The following KCNH7 variants were observed in gnomAD, a reference collection of about 807,000 sequenced individuals.
KCNH7 encodes voltage-gated inwardly rectifying potassium channel KCNH7.
In KCNH7, 49 loss-of-function variants were observed where a neutral mutation model predicts 120.8. The observed-to-expected ratio is 0.41, with a 90% CI of 0.32 to 0.51. The LOEUF (loss-of-function observed/expected upper bound fraction) is 0.51, where lower values mean the gene tolerates loss of function less well. Among genes scored for constraint, KCNH7 ranks in the 20% least tolerant of loss-of-function variants. The pLI, the probability that KCNH7 is intolerant of heterozygous loss-of-function variation, is 0.38. For synonymous variants in KCNH7, 547 were observed against 516.1 expected (o/e 1.06, Z -0.81); for missense variants, 1,097 against 1,446.6 (o/e 0.76, Z 3.92).
chr2:162,736,841 G>T (rs1687931184), intron 2 of KCNH7, among the ~76,000 whole-genome samples: 2 of 152,082 alleles, frequency 1.3e-5, no homozygotes, highest in Non-Finnish European at 2.9e-5. Context: ...TCTTTACTGT[G>T]GTTCTGCACA....
At chr2:162,820,911 A>T in intron 2 of KCNH7, among the ~76,000 whole-genome samples, 1 of 109,704 alleles carries the variant, frequency 9.1e-6, no homozygotes, top group East Asian at 2.9e-4. Flanking sequence ...AATCTGAATT[A>T]ATTCATTATT....
chr2:162,545,124 G>A (rs1459053478), intron 2 of KCNH7, among the ~76,000 whole-genome samples: 3 of 152,084 alleles, frequency 2.0e-5, no homozygotes, highest in African/African-American at 4.8e-5. Flanking sequence ...CCTTGCATTA[G>A]TGTTACCCGA....
At chr2:162,414,015 T>C (rs938551794) in intron 9 of KCNH7, among the ~76,000 whole-genome samples, 3 of 151,886 alleles carry the variant, frequency 2.0e-5, no homozygotes, top group Non-Finnish European at 2.9e-5. Flanking sequence ...TATGAATGAA[T>C]GAAAAAGGTG....
chr2:162,821,808 C>T (rs1355686617), intron 2 of KCNH7, among the ~76,000 whole-genome samples: 3 of 152,110 alleles, frequency 2.0e-5, no homozygotes, highest in Admixed American at 6.5e-5. Context: ...ACTTTCAATA[C>T]AATTTATCTT....
chr2:162,708,296 G>A (rs1459592916), intron 2 of KCNH7, among the ~76,000 whole-genome samples: 7 of 152,024 alleles, frequency 4.6e-5, no homozygotes, highest in Non-Finnish European at 1.0e-4. Context: ...TATTGTTAGG[G>A]CCCAGAGAAA....
chr2:162,828,745 G>A (rs761703083), intron 2 of KCNH7, among the ~76,000 whole-genome samples: 278 of 152,062 alleles, frequency 1.8e-3, no homozygotes, highest in Non-Finnish European at 2.9e-3. Context: ...CATTCTGCCC[G>A]GCAGAGTCTA....
At chr2:162,433,764 C>T (rs188950741) in intron 8 of KCNH7, among the ~76,000 whole-genome samples, 21 of 152,058 alleles carry the variant, frequency 1.4e-4, no homozygotes, top group Admixed American at 1.4e-3. Context: ...GGAATATAAG[C>T]ATTTATTGCT....
At chr2:162,763,500 C>G (rs1303519522) in intron 2 of KCNH7, among the ~76,000 whole-genome samples, 1 of 152,084 alleles carries the variant, frequency 6.6e-6, no homozygotes, top group Admixed American at 6.6e-5. Context: ...TGTCACCATG[C>G]TGATACTTAA....
Position 162,724,537 on chromosome 2 carries a change from T to C in KCNH7, c.307+112000A>G, listed in dbSNP as rs1310952787. On this transcript the variant is annotated intron_variant, in intron 2 of 15. Coordinates refer to ENST00000332142, the MANE Select transcript of KCNH7 (RefSeq NM_033272.4). ...AATACAAAAAATTAGCCGGGCGTAG[T>C]GGCGGGCGCCTGTAGTCCCAGCTAC... 2.0e-5 allele frequency among the ~76,000 whole-genome samples: 3 copies of C among 149,922 alleles called. 1 individual carries two copies. Among genetic ancestry groups the C allele is most frequent in the Non-Finnish European group, 3.0e-5 (2 of 67,264 alleles).
At chr2:162,491,800 CCT>C (rs1250263372) in intron 6 of KCNH7, among the ~76,000 whole-genome samples, 1 of 152,138 alleles carries the variant, frequency 6.6e-6, no homozygotes, top group African/African-American at 2.4e-5. Context: ...GCCTTTTTCC[CCT>C]CTTTCTAGAT....
intron 8 of KCNH7, among the ~76,000 whole-genome samples, chr2:162,431,716 T>C (rs962624552): frequency 1.3e-5 from 2 of 151,946 alleles, no homozygotes; most frequent in Non-Finnish European, 2.9e-5. Flanking sequence ...ATTAGAGTGT[T>C]TTCTTTTTTC....
At chr2:162,415,894 A>G (rs1433803585) in intron 9 of KCNH7, among the ~76,000 whole-genome samples, 1 of 152,110 alleles carries the variant, frequency 6.6e-6, no homozygotes. Flanking sequence ...CTTTTACTCC[A>G]AGAATGTCTC....
At chr2:162,487,344 TTG>T (rs1690131680) in intron 6 of KCNH7, among the ~76,000 whole-genome samples, 1 of 152,070 alleles carries the variant, frequency 6.6e-6, no homozygotes, top group Non-Finnish European at 1.5e-5. Flanking sequence ...AATGAAAAGG[TTG>T]TGCTATATTT....
At chr2:162,821,085 A>T (rs903299416) in intron 2 of KCNH7, among the ~76,000 whole-genome samples, 2 of 152,186 alleles carry the variant, frequency 1.3e-5, no homozygotes, top group Non-Finnish European at 2.9e-5. Flanking sequence ...ACTAACACAT[A>T]TAACTAAGGC....
chr2:162,442,022 T>C (rs866740949), intron 7 of KCNH7, among the ~76,000 whole-genome samples: 5,794 of 120,318 alleles, frequency 0.048, 662 homozygotes, highest in African/African-American at 0.17. Context: ...TTTTTTTTTT[T>C]TTTTTTTTTT....
intron 12 of KCNH7, among the ~76,000 whole-genome samples, chr2:162,393,418 G>C (rs898131260): frequency 3.9e-5 from 6 of 151,930 alleles, no homozygotes; most frequent in Non-Finnish European, 8.8e-5. Flanking sequence ...CCCAGAGAAA[G>C]AGTATGATAT....
rs373866093 is a variant in KCNH7 at position 162,632,305 on chromosome 2, A to G, written c.308-95225T>C. 2.0e-5 allele frequency among the ~76,000 whole-genome samples: 3 copies of G among 152,102 alleles called. 1 individual carries two copies. The East Asian group carries it at 5.8e-4, about 29-fold the overall frequency. Reference sequence around the variant, plus strand: ...TAAAATACTTGAGAATGAAATTATAAAGGAAGGTGTATGCCTAGATGGAGA... The same window carrying G: ...TAAAATACTTGAGAATGAAATTATAGAGGAAGGTGTATGCCTAGATGGAGA... On this transcript the variant is annotated intron_variant, in intron 2 of 15. Transcript: ENST00000332142.
intron 2 of KCNH7, among the ~76,000 whole-genome samples, chr2:162,684,059 T>A (rs950918134): frequency 1.3e-5 from 2 of 152,010 alleles, no homozygotes; most frequent in South Asian, 4.1e-4. Context: ...TCTACAACCA[T>A]CTGATCTTTG....
chr2:162,595,050 A>G (rs1216822386), intron 2 of KCNH7, among the ~76,000 whole-genome samples: 1 of 152,090 alleles, frequency 6.6e-6, no homozygotes, highest in Non-Finnish European at 1.5e-5. Flanking sequence ...GCTAATTTCT[A>G]AAGGAAAGAA....
Sources: allele counts gnomAD v4.1 joint callset (sites outside exome capture counted in the v4.1 genomes callset), GRCh38; gene constraint gnomAD v4.1.1; transcripts MANE v1.5; gene names NCBI Gene and HGNC (gene_info 2026-07-23, HGNC 2026-07-21).